The following PALLD variants were observed in gnomAD, a reference collection of about 807,000 sequenced individuals.
The protein encoded by PALLD is palladin.
PALLD carries 61 observed loss-of-function variants against 123.5 expected under a neutral mutation model. The ratio of observed to expected loss-of-function variants is 0.49; its 90% CI spans 0.40 to 0.61. The LOEUF is 0.61. Among genes scored for constraint, PALLD ranks in the 20% least tolerant of loss-of-function variants. The pLI, the probability that PALLD is intolerant of heterozygous loss-of-function variation, is 0.00. For missense variants in PALLD, 1,273 were observed against 1,377.0 expected, an observed-to-expected ratio of 0.92 and a Z score of 1.20; for synonymous variants, 465 against 496.4, an observed-to-expected ratio of 0.94 and a Z score of 0.84.
At chr4:168,923,199 T>C (rs1337457429) in intron 18 of PALLD, among the ~76,000 whole-genome samples, 1 of 152,242 alleles carries the variant, frequency 6.6e-6, no homozygotes, top group Non-Finnish European at 1.5e-5. Flanking sequence ...CAAAGTGAGC[T>C]TCTGTTCCCA....
chr4:168,640,973 T>C (rs1776879362), intron 2 of PALLD, among the ~76,000 whole-genome samples: 1 of 151,600 alleles, frequency 6.6e-6, no homozygotes, highest in Non-Finnish European at 1.5e-5. Context: ...CTTTGGGAGG[T>C]CGAGGTGGGC....
At chr4:168,580,290 G>A (rs983994736) in intron 2 of PALLD, among the ~76,000 whole-genome samples, 1 of 150,854 alleles carries the variant, frequency 6.6e-6, no homozygotes, top group African/African-American at 2.4e-5. Flanking sequence ...CTTTATCCAT[G>A]CATCCATCAA....
chr4:168,556,237 AG>A (rs1311716995), intron 2 of PALLD, among the ~76,000 whole-genome samples: 1 of 152,026 alleles, frequency 6.6e-6, no homozygotes, highest in East Asian at 1.9e-4. Flanking sequence ...CTGGGACTAC[AG>A]GTGCCCACCA....
intron 2 of PALLD, among the ~76,000 whole-genome samples, chr4:168,536,967 A>C (rs946150766): frequency 2.0e-5 from 3 of 151,908 alleles, no homozygotes; most frequent in Non-Finnish European, 2.9e-5. Flanking sequence ...AGCTGGGACT[A>C]TAGGCGCCTG....
chr4:168,850,077 T>G (rs1223066606), intron 10 of PALLD, among the ~76,000 whole-genome samples: 2 of 152,176 alleles, frequency 1.3e-5, no homozygotes, highest in African/African-American at 4.8e-5. Flanking sequence ...TACTCAATAC[T>G]AAAAAATGAA....
chr4:168,883,328 A>G (rs1752889126), intron 10 of PALLD, among the ~76,000 whole-genome samples: 1 of 152,208 alleles, frequency 6.6e-6, no homozygotes, highest in African/African-American at 2.4e-5. Context: ...TTTATATATT[A>G]ATACATTACA....
chr4:168,783,363 G>A lies in PALLD; in HGVS notation c.1964+71440G>A, dbSNP rs140212967. ...AGCAGTAAAATAAGCATAATACAGA[G>A]AGACCCATGTGCACTGGGACAGTTT... is the stretch of plus-strand genomic sequence containing the variant. On this transcript the variant is annotated intron_variant, in intron 10 of 21. Transcript: ENST00000505667. Among the ~76,000 whole-genome samples the A allele has an allele frequency of 7.9e-3, 1,199 of 152,168 alleles. 6 individuals are homozygous for A. The highest frequency in any genetic ancestry group is 0.024 in the Middle Eastern group (7 of 294).
intron 2 of PALLD, among the ~76,000 whole-genome samples, chr4:168,538,542 A>G (rs1037703764): frequency 6.6e-6 from 1 of 152,094 alleles, no homozygotes; most frequent in Non-Finnish European, 1.5e-5. Context: ...TTTTCAAATG[A>G]CCTTATGATT....
At chr4:168,810,655 A>G (rs1273345356) in intron 10 of PALLD, among the ~76,000 whole-genome samples, 2 of 148,652 alleles carry the variant, frequency 1.3e-5, no homozygotes, top group African/African-American at 5.0e-5. Context: ...AAAAAAAAAA[A>G]AAGAAGGCCG....
intron 10 of PALLD, among the ~76,000 whole-genome samples, chr4:168,731,117 C>T (rs1787130815): frequency 6.6e-6 from 1 of 152,122 alleles, no homozygotes. Context: ...CGTTAGCATC[C>T]CTCATGTTTG....
At chr4:168,521,255 G>A (rs1357317480) in intron 2 of PALLD, among the ~76,000 whole-genome samples, 3 of 152,082 alleles carry the variant, frequency 2.0e-5, no homozygotes, top group Admixed American at 6.5e-5. Context: ...AAAGGGATTC[G>A]TGAAACAAGC....
At chr4:168,842,914 G>A (rs1210802254) in intron 10 of PALLD, among the ~76,000 whole-genome samples, 1 of 152,150 alleles carries the variant, frequency 6.6e-6, no homozygotes, top group African/African-American at 2.4e-5. Context: ...TACATAATCA[G>A]TAAAACTATA....
chr4:168,889,839 C>A (rs1270909072), intron 10 of PALLD, among the ~76,000 whole-genome samples: 1 of 152,218 alleles, frequency 6.6e-6, no homozygotes, highest in Non-Finnish European at 1.5e-5. Flanking sequence ...TTTCTAACAA[C>A]TTCAGGTCAT....
chr4:168,607,584 T>A (rs1773312606), intron 2 of PALLD, among the ~76,000 whole-genome samples: 1 of 152,230 alleles, frequency 6.6e-6, no homozygotes, highest in Non-Finnish European at 1.5e-5. Flanking sequence ...GCTTTACCTG[T>A]GTTATTGGCA....
intron 1 of PALLD, among the ~76,000 whole-genome samples, chr4:168,505,810 T>C (rs1761941578): frequency 6.6e-6 from 1 of 152,242 alleles, no homozygotes; most frequent in African/African-American, 2.4e-5. Flanking sequence ...TAATTGCCTT[T>C]ATATGTGTTA....
intron 10 of PALLD, among the ~76,000 whole-genome samples, chr4:168,729,171 C>G (rs1035806613): frequency 6.6e-6 from 1 of 152,250 alleles, no homozygotes; most frequent in Non-Finnish European, 1.5e-5. Context: ...GAGGAAGACA[C>G]CAGCTGAATT....
intron 10 of PALLD, among the ~76,000 whole-genome samples, chr4:168,728,131 A>G (rs1786783739): frequency 6.6e-6 from 1 of 152,144 alleles, no homozygotes; most frequent in African/African-American, 2.4e-5. Flanking sequence ...GCTTGAAGTC[A>G]AGTAATGTGA....
chr4:168,905,719 A>G (rs1341975089), intron 15 of PALLD, among the ~76,000 whole-genome samples: 1 of 151,982 alleles, frequency 6.6e-6, no homozygotes, highest in African/African-American at 2.4e-5. Context: ...CACTATTAAG[A>G]AGTTGCATTT....
In PALLD at chr4:168,878,343, C is replaced by T. The variant is rs1009236606; in HGVS notation, c.1965-12579C>T. 24 of 1,520,056 alleles carry T rather than the reference C, an allele frequency of 1.6e-5. No homozygotes were observed. Among genetic ancestry groups the T allele is most frequent in the Admixed American group, 4.0e-5 (2 of 49,786 alleles). 94.2% of individuals were successfully genotyped at this position (1,520,056 alleles called of 1,614,324 possible). A position where few individuals can be genotyped will look rare whatever the true frequency, so the allele number is the denominator to read the frequency against. On this transcript the variant is annotated intron_variant, in intron 10 of 21. Coordinates refer to ENST00000505667, the MANE Select transcript of PALLD (RefSeq NM_001166108.2). The stretch of plus-strand genomic sequence containing the variant: ...CTCAGCGCTCTGCTGCCCTCGCAGC[C>T]GCCGCCGGCGGCCGTCAACGCCCTG...
Sources: allele counts gnomAD v4.1 joint callset (sites outside exome capture counted in the v4.1 genomes callset), GRCh38; gene constraint gnomAD v4.1.1; transcripts MANE v1.5; gene names NCBI Gene and HGNC (gene_info 2026-07-23, HGNC 2026-07-21).